FOXP4: variants seen among roughly 807,000 people sequenced by gnomAD.
The protein encoded by FOXP4 is forkhead box protein P4.
FOXP4 carries 25 observed loss-of-function variants against 82.6 expected under a neutral mutation model. The observed-to-expected ratio is 0.30, with a 90% CI of 0.22 to 0.42. The LOEUF is 0.42. Ranked by LOEUF, FOXP4 falls within the 10% of genes least tolerant of loss-of-function variation. The pLI is 1.00. For missense variants in FOXP4, 785 were observed against 900.9 expected (o/e 0.87, Z 1.65); for synonymous variants, 415 against 388.2 (o/e 1.07, Z -0.81).
chr6:41,571,842 C>T (rs1765218513), intron 2 of FOXP4, among the ~76,000 whole-genome samples: 1 of 152,128 alleles, frequency 6.6e-6, no homozygotes, highest in African/African-American at 2.4e-5. Context: ...TCAGTTCCCT[C>T]AGTGGTCAGG....
intron 2 of FOXP4, among the ~76,000 whole-genome samples, chr6:41,574,980 G>A (rs188956510): frequency 6.2e-4 from 94 of 151,982 alleles, no homozygotes; most frequent in Middle Eastern, 3.4e-3. Flanking sequence ...GTTTTGTTTT[G>A]TTTTTTGAGA....
rs553796192 is a variant in FOXP4, at chr6:41,600,260, C to G, written c.*1324C>G. On this transcript the variant is annotated 3_prime_UTR_variant, in exon 17 of 17. Transcript: ENST00000307972. ...CCCCCTCAGGAGTGGGCACGGGAGC[C>G]CTTCTCCCTGACCCTGGGCTGCTTC... The G allele has an allele frequency of 6.6e-6, 1 of 152,668 alleles. No homozygotes were observed. Among genetic ancestry groups the G allele is most frequent in the South Asian group, 2.1e-4 (1 of 4,828 alleles). The allele number at this position is 152,668 out of a possible 1,614,324, so 9.5% of individuals were successfully genotyped here. A position where few individuals can be genotyped will look rare whatever the true frequency, so the allele number is the denominator to read the frequency against.
intron 3 of FOXP4, among the ~76,000 whole-genome samples, chr6:41,581,766 A>G (rs1765816198): frequency 6.6e-6 from 1 of 152,268 alleles, no homozygotes; most frequent in Non-Finnish European, 1.5e-5. Context: ...TCTCTGTAGC[A>G]GCCTCCATAG....
chr6:41,597,969 C>A lies in FOXP4; in HGVS notation c.1895+19C>A. ...AGTACAGGTGAGCACACAGCACGGACCCCCACCCACCCCAGCACCCCTCAA... is the reference window on the plus strand; with the variant it reads ...AGTACAGGTGAGCACACAGCACGGAACCCCACCCACCCCAGCACCCCTCAA... On this transcript the variant is annotated intron_variant, in intron 16 of 16. Coordinates refer to ENST00000307972, the MANE Select transcript of FOXP4 (RefSeq NM_001012426.2). 6.8e-7 allele frequency: 1 copy of A among 1,467,486 alleles called. No individual in the cohort carries two copies. The highest frequency in any genetic ancestry group is 9.0e-7 in the Non-Finnish European group (1 of 1,107,662). 90.9% of individuals were successfully genotyped at this position (1,467,486 alleles called of 1,614,324 possible).
At chr6:41,588,497 G>T in intron 8 of FOXP4, 147 bp from the exon 9 acceptor site, 1 of 748,564 alleles carries the variant, frequency 1.3e-6, no homozygotes, top group East Asian at 2.5e-5. Context: ...TTCCTCCATT[G>T]CCCCGTTTTT....
At chr6:41,576,056 C>A (rs191187832) in intron 2 of FOXP4, among the ~76,000 whole-genome samples, 6 of 151,370 alleles carry the variant, frequency 4.0e-5, no homozygotes, top group Non-Finnish European at 5.9e-5. Flanking sequence ...GCAACCCCCC[C>A]CCCCACCCTT....
intron 1 of FOXP4, among the ~76,000 whole-genome samples, chr6:41,555,418 C>A (rs1453281248): frequency 6.6e-6 from 1 of 152,168 alleles, no homozygotes; most frequent in Non-Finnish European, 1.5e-5. Flanking sequence ...ATCACTTGCC[C>A]CCTACATCTG....
At chr6:41,584,213 T>C (rs938690124) in intron 3 of FOXP4, among the ~76,000 whole-genome samples, 5 of 152,222 alleles carry the variant, frequency 3.3e-5, no homozygotes, top group Non-Finnish European at 5.9e-5. Flanking sequence ...TGCCGGGGTG[T>C]GTGAGAGGAG....
chr6:41,573,561 G>T (rs1765316026), intron 2 of FOXP4, among the ~76,000 whole-genome samples: 1 of 152,132 alleles, frequency 6.6e-6, no homozygotes, highest in Admixed American at 6.5e-5. Flanking sequence ...CTGGAAGAGG[G>T]TTTGGTTAGC....
intron 1 of FOXP4, among the ~76,000 whole-genome samples, chr6:41,547,836 C>T (rs1052649937): frequency 1.3e-5 from 2 of 151,580 alleles, no homozygotes; most frequent in African/African-American, 4.9e-5. Flanking sequence ...CAGCACCTCT[C>T]TGACCGGCGG....
At position 41,578,136 on chromosome 6, in the gene FOXP4, A is replaced by C. The variant is rs1765593656; in HGVS notation, c.300+55A>C. 2.0e-6 allele frequency: 3 copies of C among 1,478,058 alleles called. No individual in the cohort carries two copies. The East Asian group carries it at 6.9e-5, about 34-fold the overall frequency. The allele number at this position is 1,478,058 out of a possible 1,614,324, so 91.6% of individuals were successfully genotyped here. A position where few individuals can be genotyped will look rare whatever the true frequency, so the allele number is the denominator to read the frequency against. On this transcript the variant is annotated intron_variant, in intron 3 of 16. Transcript: ENST00000307972. ...GGTTGGGCTGGAGTGTGGGCCTGGCACAGAGGGAGGGCAAGGACCCGTTGG... is the reference window on the plus strand; with the variant it reads ...GGTTGGGCTGGAGTGTGGGCCTGGCCCAGAGGGAGGGCAAGGACCCGTTGG...
intron 5 of FOXP4, among the ~76,000 whole-genome samples, chr6:41,586,802 G>C (rs186394365): frequency 1.3e-5 from 2 of 152,074 alleles, no homozygotes; most frequent in African/African-American, 2.4e-5. Flanking sequence ...GCGTGCGTGC[G>C]TGCGTGCATG....
intron 3 of FOXP4, among the ~76,000 whole-genome samples, chr6:41,580,492 T>A (rs1163690315): frequency 6.6e-6 from 1 of 152,146 alleles, no homozygotes; most frequent in African/African-American, 2.4e-5. Flanking sequence ...GTTCTCAGGG[T>A]CTCAGGGATA....
In FOXP4 at chr6:41,558,370, G is replaced by C. The variant is rs999854085; in HGVS notation, c.-16-7375G>C. Among the ~76,000 whole-genome samples the C allele has an allele frequency of 5.3e-5, 8 of 152,186 alleles. No homozygotes were observed. The highest frequency in any genetic ancestry group is 1.9e-4 in the East Asian group (1 of 5,200). Reference sequence around the variant, plus strand: ...AGTGCTGAACCAAGGGCTGGGAGAGGGGGGTGGGATCAATTTTTAAACCAT... The same window carrying C: ...AGTGCTGAACCAAGGGCTGGGAGAGCGGGGTGGGATCAATTTTTAAACCAT... On this transcript the variant is annotated intron_variant, in intron 1 of 16. Transcript: ENST00000307972. This position sits in a 1 kb window ranked among gnomAD's most constrained non-coding sequence, Gnocchi z 4.0.
At chr6:41,598,731 G>C (rs1455405754) in intron 16 of FOXP4, 58 bp from the exon 17 acceptor site, 1 of 1,547,262 alleles carries the variant, frequency 6.5e-7, no homozygotes, top group South Asian at 1.2e-5. Context: ...TTGGGGGGCA[G>C]GGGGCAGAGG....
Position 41,598,925 on chromosome 6 carries a change from G to C in FOXP4, c.2032G>C (p.Glu678Gln). 6.2e-7 allele frequency: 1 copy of C among 1,607,494 alleles called. No homozygotes were observed. Among genetic ancestry groups the C allele is most frequent in the East Asian group, 2.2e-5 (1 of 44,678 alleles). ...CCTGGAGGAGGAGCTGCCGGGAGAA[G>C]AACTGTCCTAAGGGCCTGTAGTGAC... is the stretch of plus-strand genomic sequence containing the variant. ...RDLEEELPGE[E>Q]LS The change falls in exon 17 of 17, where the codon GAA (glutamate) becomes CAA (glutamine). Residue 678 changes from glutamate to glutamine, a missense_variant. Glu to Gln is a conservative substitution (Grantham distance 29, BLOSUM62 2). This residue lies in a region of FOXP4 where 184 missense variants were observed against 187.3 expected (regional missense o/e 0.98). Coordinates refer to ENST00000307972, the MANE Select transcript of FOXP4 (RefSeq NM_001012426.2).
chr6:41,585,419 C>G lies in FOXP4; in HGVS notation c.424-12C>G. On this transcript the variant is annotated splice_polypyrimidine_tract_variant and intron_variant, in intron 4 of 16. Coordinates refer to ENST00000307972, the MANE Select transcript of FOXP4 (RefSeq NM_001012426.2). ...GTACCCTGCCAGTGGTAACCCTCCT[C>G]CACCCCCCCAGCTACAGGAGTACTA... The G allele has an allele frequency of 6.2e-7, 1 of 1,613,176 alleles. No homozygotes were observed. Among genetic ancestry groups the G allele is most frequent in the Non-Finnish European group, 8.5e-7 (1 of 1,179,494 alleles).
At chr6:41,582,353 G>T (rs150290605) in intron 3 of FOXP4, among the ~76,000 whole-genome samples, 2 of 152,212 alleles carry the variant, frequency 1.3e-5, no homozygotes, top group African/African-American at 4.8e-5. Flanking sequence ...GCCAAGTGCC[G>T]TGCTGGGCAC....
chr6:41,585,390 A>G (rs1278464136), intron 4 of FOXP4, 41 bp from the exon 5 acceptor site: 1 of 1,599,738 alleles, frequency 6.3e-7, no homozygotes, highest in Non-Finnish European at 8.6e-7. Flanking sequence ...TTGTGGGGAT[A>G]GCAGTACCCT....
Sources: gnomAD v4.1 joint callset for allele counts (sites outside exome capture counted in the v4.1 genomes callset) on GRCh38, gnomAD v4.1.1 for gene constraint, gnomAD v4.1.1 regional missense constraint, Gnocchi (gnomAD v3.1) non-coding constraint, MANE v1.5 for transcripts, NCBI Gene and HGNC (gene_info 2026-07-23, HGNC 2026-07-21) for gene names.